The following KANK4 variants were observed in gnomAD, a reference collection of about 807,000 sequenced individuals.
KANK4 encodes KN motif and ankyrin repeat domain-containing protein 4.
In KANK4, 50 loss-of-function variants were observed where a neutral mutation model predicts 80.8. The ratio of observed to expected loss-of-function variants is 0.62; its 90% CI spans 0.49 to 0.78. The LOEUF is 0.78. Ranked by LOEUF, KANK4 falls within the 30% of genes least tolerant of loss-of-function variation. The pLI, the probability that KANK4 is intolerant of heterozygous loss-of-function variation, is 0.00. For synonymous variants in KANK4, 465 were observed against 506.9 expected, an observed-to-expected ratio of 0.92 and a Z score of 1.11; for missense variants, 1,196 against 1,240.1, an observed-to-expected ratio of 0.96 and a Z score of 0.53.
chr1:62,298,802 G>T (rs1321295531), intron 1 of KANK4, among the ~76,000 whole-genome samples: 1 of 152,218 alleles, frequency 6.6e-6, no homozygotes, highest in African/African-American at 2.4e-5. Flanking sequence ...GAAGAAACTG[G>T]TAAGTGCCCA....
At position 62,274,540 on chromosome 1, in the gene KANK4, A is replaced by G; in HGVS notation, c.564T>C (p.Pro188=). 1 of 1,614,114 alleles carries G rather than the reference A, an allele frequency of 6.2e-7. No homozygotes were observed. Among genetic ancestry groups the G allele is most frequent in the Non-Finnish European group, 8.5e-7 (1 of 1,179,968 alleles). The stretch of plus-strand genomic sequence containing the variant: ...CTTCACCCTGAAGGGGAGGGAGGGC[A>G]GGAGGGGCAGGGGGCCCCAGGCTCA... ...PGLSLGPPAP[P]ALPPLQGEGS... The change falls in exon 3 of 10, where the codon CCT becomes CCC. Residue 188 remains proline, a synonymous_variant. Transcript: ENST00000371153.
intron 8 of KANK4, 57 bp from the exon 9 acceptor site, chr1:62,247,729 T>C (rs1026786293): frequency 4.1e-6 from 6 of 1,467,896 alleles, no homozygotes; most frequent in Non-Finnish European, 5.7e-6. Flanking sequence ...AAGGACCCCC[T>C]CTCCAGCCTG....
At chr1:62,276,730 T>C (rs1316247492) in intron 2 of KANK4, among the ~76,000 whole-genome samples, 1 of 144,978 alleles carries the variant, frequency 6.9e-6, no homozygotes, top group Non-Finnish European at 1.5e-5. Context: ...TGAGCCGAGA[T>C]TGCACCATTG....
chr1:62,315,324 G>A (rs541682223), intron 1 of KANK4, among the ~76,000 whole-genome samples: 2 of 152,282 alleles, frequency 1.3e-5, no homozygotes, highest in East Asian at 3.9e-4. Context: ...AGAGGGCTCT[G>A]TGAAATCCCA....
chr1:62,293,494 A>G (rs1672728284), intron 1 of KANK4, among the ~76,000 whole-genome samples: 1 of 152,210 alleles, frequency 6.6e-6, no homozygotes, highest in South Asian at 2.1e-4. Context: ...AAATATGTGT[A>G]TTCTCTTCAA....
intron 1 of KANK4, among the ~76,000 whole-genome samples, chr1:62,308,938 C>T (rs1464930927): frequency 2.0e-5 from 3 of 152,144 alleles, no homozygotes; most frequent in African/African-American, 7.2e-5. Context: ...TCCTCCATCT[C>T]CTCCCTTAGG....
At chr1:62,260,466 C>T (rs1006355291) in intron 7 of KANK4, among the ~76,000 whole-genome samples, 6 of 152,014 alleles carry the variant, frequency 3.9e-5, no homozygotes, top group African/African-American at 1.4e-4. Flanking sequence ...TTGGATTCTT[C>T]TTCTCAGTCA....
rs2666472 is a variant in KANK4 at position 62,263,112 on chromosome 1, A to G, written c.2519T>C (p.Val840Ala). ...YSVSHSNFSIVKLLLETGVCN... is the reference protein window; with the variant it reads ...YSVSHSNFSIAKLLLETGVCN... ...CTGACCTGTCTCCAGCAGCAGCTTC[A>G]CGATGGAGAAGTTGGAGTGGGACAC... is the stretch of plus-strand genomic sequence containing the variant. Residue 840 changes from valine to alanine, a missense_variant, in exon 7 of 10, where the codon GTG becomes GCG. This residue lies in a region of KANK4 where 1,154 missense variants were observed against 1,179.6 expected (regional missense o/e 0.98). Transcript: ENST00000371153. 0.73 allele frequency: 1,181,643 copies of G among 1,610,178 alleles called. 436,696 individuals carry two copies. The highest frequency in any genetic ancestry group is 0.84 in the Admixed American group (49,989 of 59,836).
chr1:62,281,666 T>A (rs1324167714), intron 1 of KANK4, 32 bp from the exon 2 acceptor site: 2 of 1,322,378 alleles, frequency 1.5e-6, no homozygotes, highest in Non-Finnish European at 1.1e-6. Flanking sequence ...AAGTGGTGAG[T>A]CTCATTAGCG....
rs560890869 is a variant in KANK4 at position 62,250,750 on chromosome 1, T to C, written c.2682+2317A>G. Among the ~76,000 whole-genome samples the C allele has an allele frequency of 2.5e-3, 377 of 152,298 alleles. 3 individuals carry two copies. Among genetic ancestry groups the C allele is most frequent in the African/African-American group, 8.9e-3 (368 of 41,558 alleles). On this transcript the variant is annotated intron_variant, in intron 8 of 9. Coordinates refer to ENST00000371153, the MANE Select transcript of KANK4 (RefSeq NM_181712.5). ...TATTTATGGGAAACATTAGTTAAAA[T>C]GAAACATTAGCTGTATTGAGTCTTA...
intron 1 of KANK4, among the ~76,000 whole-genome samples, 176 bp downstream of exon 1, chr1:62,318,930 C>T (rs145788756): frequency 0.019 from 2,897 of 152,310 alleles, 94 homozygotes; most frequent in African/African-American, 0.066. Flanking sequence ...GCCCAAGCTG[C>T]CGCAGCCACT....
At chr1:62,259,346 G>A (rs1314428086) in intron 7 of KANK4, among the ~76,000 whole-genome samples, 1 of 152,022 alleles carries the variant, frequency 6.6e-6, no homozygotes, top group East Asian at 1.9e-4. Context: ...GTGTGATCAC[G>A]GCTCACTGCA....
intron 7 of KANK4, 36 bp from the exon 8 acceptor site, chr1:62,253,245 G>A (rs1671665814): frequency 3.2e-6 from 5 of 1,567,496 alleles, no homozygotes; most frequent in Non-Finnish European, 4.3e-6. Flanking sequence ...AAAGGCTCCT[G>A]AGGGGCCAGG....
rs1307003152 is a variant in KANK4, at chr1:62,236,437, T to A, written c.*1840A>T. Among the ~76,000 whole-genome samples the A allele has an allele frequency of 1.3e-5, 2 of 151,758 alleles. No individual in the cohort carries two copies. Among genetic ancestry groups the A allele is most frequent in the Non-Finnish European group, 2.9e-5 (2 of 67,894 alleles). ...GGTCAAAATAAACTCATTTAAAGCA[T>A]TTTTTTTCTCATTATTTGCTCCATT... On this transcript the variant is annotated 3_prime_UTR_variant, in exon 10 of 10. Coordinates refer to ENST00000371153, the MANE Select transcript of KANK4 (RefSeq NM_181712.5).
chr1:62,273,430 G>A lies in KANK4; in HGVS notation c.1674C>T (p.Ala558=), dbSNP rs747455999. Residue 558 remains alanine (A), a synonymous_variant, in exon 3 of 10, where the codon GCC becomes GCT. Transcript: ENST00000371153. ...PGRPPSSPTD[A]TIGQYVKKIQ... ...TCTTCTTCACATACTGCCCAATAGT[G>A]GCATCCGTTGGCGAGCTTGGTGGCC... 32 of 1,613,438 alleles carry A rather than the reference G, an allele frequency of 2.0e-5. No homozygotes were observed. Among genetic ancestry groups the A allele is most frequent in the Admixed American group, 1.7e-4 (10 of 59,908 alleles).
intron 4 of KANK4, among the ~76,000 whole-genome samples, chr1:62,269,032 C>T (rs76337799): frequency 6.6e-6 from 1 of 152,236 alleles, no homozygotes; most frequent in South Asian, 2.1e-4. Context: ...GCATGAACTC[C>T]TCCACACCTA....
At chr1:62,304,130 C>T (rs2149168627) in intron 1 of KANK4, among the ~76,000 whole-genome samples, 1 of 152,208 alleles carries the variant, frequency 6.6e-6, no homozygotes, top group South Asian at 2.1e-4. Flanking sequence ...CCACCTTGGC[C>T]TCCCAAAATG....
At chr1:62,249,409 C>T (rs954143493) in intron 8 of KANK4, among the ~76,000 whole-genome samples, 6 of 150,266 alleles carry the variant, frequency 4.0e-5, no homozygotes, top group Non-Finnish European at 7.4e-5. Context: ...GACAGAATCT[C>T]GCTCTATTAC....
At chr1:62,292,506 G>C (rs1488465368) in intron 1 of KANK4, among the ~76,000 whole-genome samples, 1 of 152,068 alleles carries the variant, frequency 6.6e-6, no homozygotes, top group Admixed American at 6.6e-5. Context: ...CCTCCCCCAG[G>C]AAGCCATCTG....
Sources: gnomAD v4.1 joint callset for allele counts (sites outside exome capture counted in the v4.1 genomes callset) on GRCh38, gnomAD v4.1.1 for gene constraint, gnomAD v4.1.1 regional missense constraint, MANE v1.5 for transcripts, NCBI Gene and HGNC (gene_info 2026-07-23, HGNC 2026-07-21) for gene names.